PRKN: variants seen among roughly 807,000 people sequenced by gnomAD.
The protein encoded by PRKN is E3 ubiquitin-protein ligase parkin.
In PRKN, 56 loss-of-function variants were observed where a neutral mutation model predicts 59.5. That is an observed-to-expected ratio of 0.94 (90% CI 0.76 to 1.18). PRKN has a LOEUF of 1.18. Ranked by LOEUF, PRKN falls within the 50% of genes most tolerant of loss-of-function variation. The pLI, the probability that PRKN is intolerant of heterozygous loss-of-function variation, is 0.00. For synonymous variants in PRKN, 250 were observed against 222.1 expected, an observed-to-expected ratio of 1.13 and a Z score of -1.12; for missense variants, 657 against 596.4, an observed-to-expected ratio of 1.10 and a Z score of -1.06.
At chr6:162,454,309 C>A (rs958188055) in intron 1 of PRKN, among the ~76,000 whole-genome samples, 2 of 152,134 alleles carry the variant, frequency 1.3e-5, no homozygotes, top group African/African-American at 4.8e-5. Flanking sequence ...GAGCTCTATT[C>A]CACTACACTT....
intron 6 of PRKN, among the ~76,000 whole-genome samples, chr6:161,839,015 TG>T (rs1792876190): frequency 2.0e-5 from 3 of 150,448 alleles, no homozygotes; most frequent in South Asian, 4.2e-4. Flanking sequence ...CTGGGCGAGG[TG>T]GGGGGAGGAG....
chr6:161,664,689 T>C (rs961762278), intron 7 of PRKN, among the ~76,000 whole-genome samples: 5 of 152,214 alleles, frequency 3.3e-5, no homozygotes, highest in African/African-American at 1.2e-4. Context: ...AATTTCAGTC[T>C]GGATTTTAAA....
intron 1 of PRKN, among the ~76,000 whole-genome samples, chr6:162,502,572 T>C (rs58655840): frequency 0.16 from 24,964 of 152,158 alleles, 2,221 homozygotes; most frequent in Non-Finnish European, 0.19. Flanking sequence ...CCTAATAATA[T>C]TTCTTTCAGT....
chr6:162,055,172 C>T (rs1263022227), intron 4 of PRKN, among the ~76,000 whole-genome samples: 1 of 151,990 alleles, frequency 6.6e-6, no homozygotes, highest in East Asian at 1.9e-4. Flanking sequence ...AAAAAACAAA[C>T]AAATAAAGAA....
intron 1 of PRKN, among the ~76,000 whole-genome samples, chr6:162,553,152 TGA>T (rs1489209573): frequency 6.6e-6 from 1 of 151,908 alleles, no homozygotes; most frequent in Non-Finnish European, 1.5e-5. Context: ...ATTGGGGAAA[TGA>T]GAGAAGACAA....
At chr6:161,900,687 T>A (rs538757509) in intron 6 of PRKN, among the ~76,000 whole-genome samples, 5,856 of 127,086 alleles carry the variant, frequency 0.046, 368 homozygotes, top group East Asian at 0.33. Context: ...TATAATATAT[T>A]ATATATTATA....
intron 3 of PRKN, among the ~76,000 whole-genome samples, chr6:162,202,078 A>G (rs1016370031): frequency 3.9e-5 from 6 of 152,186 alleles, no homozygotes; most frequent in African/African-American, 9.6e-5. Flanking sequence ...GAATTTCTAA[A>G]TTTTGAAAAT....
chr6:162,101,074 T>C (rs555419044), intron 4 of PRKN, among the ~76,000 whole-genome samples: 7 of 152,238 alleles, frequency 4.6e-5, no homozygotes, highest in East Asian at 3.9e-4. Context: ...ATACAGAAGT[T>C]CTTTAGTTTG....
At chr6:162,079,601 T>A (rs1259456293) in intron 4 of PRKN, among the ~76,000 whole-genome samples, 1 of 152,054 alleles carries the variant, frequency 6.6e-6, no homozygotes, top group Non-Finnish European at 1.5e-5. Flanking sequence ...CCCCCTTATT[T>A]CAGGACAGTT....
intron 9 of PRKN, among the ~76,000 whole-genome samples, chr6:161,406,217 CAT>C (rs10606249): frequency 0.23 from 35,077 of 150,456 alleles, 4,293 homozygotes; most frequent in African/African-American, 0.29. Flanking sequence ...CACATATATA[CAT>C]ATATATATAT....
chr6:161,672,118 C>T (rs1303929050), intron 7 of PRKN, among the ~76,000 whole-genome samples: 7 of 152,126 alleles, frequency 4.6e-5, no homozygotes, highest in South Asian at 2.1e-4. Context: ...ATAAATTATT[C>T]GACCTGCAGG....
chr6:162,705,701 A>C (rs1027977809), intron 1 of PRKN, among the ~76,000 whole-genome samples: 5 of 152,234 alleles, frequency 3.3e-5, no homozygotes, highest in Non-Finnish European at 2.9e-5. Flanking sequence ...AAAGAATCAA[A>C]TGATTTTCTT....
At chr6:162,046,921 A>AT (rs1411529416) in intron 5 of PRKN, among the ~76,000 whole-genome samples, 4 of 152,060 alleles carry the variant, frequency 2.6e-5, no homozygotes, top group African/African-American at 9.7e-5. Context: ...AAAAACAAGA[A>AT]ATTTTTTGTT....
At chr6:162,468,766 G>C (rs990179910) in intron 1 of PRKN, among the ~76,000 whole-genome samples, 1 of 152,148 alleles carries the variant, frequency 6.6e-6, no homozygotes, top group Non-Finnish European at 1.5e-5. Context: ...ACCTAGAAGG[G>C]TGCATAAGTC....
intron 1 of PRKN, among the ~76,000 whole-genome samples, chr6:162,559,090 G>A (rs2846563): frequency 0.37 from 55,773 of 149,010 alleles, 11,382 homozygotes; most frequent in Non-Finnish European, 0.46. Flanking sequence ...GGCGGAGCTT[G>A]TAGTGAGCCA....
chr6:162,503,136 C>CTTTTTTT (rs10629175), intron 1 of PRKN, among the ~76,000 whole-genome samples: 1,305 of 80,882 alleles, frequency 0.016, 4 homozygotes, highest in Middle Eastern at 0.029. Context: ...GTCTTCATTT[C>CTTTTTTT]TTTTTTTTTT....
At chr6:161,733,783 A>ATATATATATATATGTATATAT (rs1554298472) in intron 7 of PRKN, among the ~76,000 whole-genome samples, 1 of 86,228 alleles carries the variant, frequency 1.2e-5, no homozygotes, top group Non-Finnish European at 1.9e-5. Context: ...AAAAAAAAAA[A>ATATATATATATATGTATATAT]ATATATATAT....
chr6:162,053,994 A>G (rs1777755694), intron 5 of PRKN, 97 bp downstream of exon 5: 2 of 862,188 alleles, frequency 2.3e-6, no homozygotes, highest in Non-Finnish European at 4.1e-6. Context: ...TAGATGGAAG[A>G]ACAGTCAGTT....
At chr6:162,278,131 C>T (rs1780716220) in intron 2 of PRKN, among the ~76,000 whole-genome samples, 1 of 152,090 alleles carries the variant, frequency 6.6e-6, no homozygotes, top group Non-Finnish European at 1.5e-5. Context: ...ATGGAGGAAC[C>T]TTAAGTGCAT....
Sources: gnomAD v4.1 joint callset for allele counts (sites outside exome capture counted in the v4.1 genomes callset) on GRCh38, gnomAD v4.1.1 for gene constraint, MANE v1.5 for transcripts, NCBI Gene and HGNC (gene_info 2026-07-23, HGNC 2026-07-21) for gene names.